Variants in ZNF512 observed in about 807,000 individuals in gnomAD.
The protein encoded by ZNF512 is zinc finger protein 512.
A neutral mutation model predicts 77.5 loss-of-function variants in ZNF512; 25 were observed. The ratio of observed to expected loss-of-function variants is 0.32; its 90% CI spans 0.23 to 0.45. The LOEUF is 0.45. Ranked by LOEUF, ZNF512 falls within the 20% of genes least tolerant of loss-of-function variation. The probability of loss-of-function intolerance (pLI) is 1.00; values close to 1 mark genes in which losing one functional copy is unlikely to be tolerated. For missense variants in ZNF512, 483 were observed against 692.6 expected, an observed-to-expected ratio of 0.70 and a Z score of 3.40; for synonymous variants, 246 against 239.9, an observed-to-expected ratio of 1.03 and a Z score of -0.24.
At chr2:27,585,902 A>C (rs1386370845) in intron 2 of ZNF512, among the ~76,000 whole-genome samples, 1 of 152,222 alleles carries the variant, frequency 6.6e-6, no homozygotes, top group Non-Finnish European at 1.5e-5. Context: ...TTTTTTTACA[A>C]ATAATCAAAT....
intron 3 of ZNF512, among the ~76,000 whole-genome samples, chr2:27,599,067 C>G (rs1671999439): frequency 1.3e-5 from 2 of 152,256 alleles, no homozygotes; most frequent in South Asian, 2.1e-4. Context: ...TCTTGAACTC[C>G]TGACCTCAGG....
chr2:27,603,078 G>C lies in ZNF512; in HGVS notation c.769-62G>C. On this transcript the variant is annotated intron_variant, in intron 8 of 13. Transcript: ENST00000355467. ...GTGGTGAATGCTTTATGGCTGTTTA[G>C]AAATTTAGGGATCATGTCAAAAGAT... 4 of 1,584,394 alleles carry C rather than the reference G, an allele frequency of 2.5e-6. No individual in the cohort carries two copies. The South Asian group carries it at 4.6e-5, about 18-fold the overall frequency.
intron 2 of ZNF512, among the ~76,000 whole-genome samples, chr2:27,591,364 A>G (rs924303492): frequency 2.6e-5 from 4 of 152,328 alleles, no homozygotes; most frequent in African/African-American, 7.2e-5. Context: ...GTTATAGACA[A>G]TCCAATTACA....
chr2:27,602,383 G>C, intron 7 of ZNF512, 80 bp from the exon 8 acceptor site: 1 of 1,408,440 alleles, frequency 7.1e-7, no homozygotes, highest in South Asian at 1.4e-5. Context: ...TCCAATCCTT[G>C]ATTCTCCTCT....
chr2:27,609,951 G>C (rs1398538344), intron 10 of ZNF512, among the ~76,000 whole-genome samples: 2 of 151,950 alleles, frequency 1.3e-5, no homozygotes, highest in African/African-American at 2.4e-5. Flanking sequence ...TGAGGCAGGA[G>C]AATCGTTTGA....
intron 10 of ZNF512, among the ~76,000 whole-genome samples, chr2:27,611,848 C>A (rs950742796): frequency 6.6e-6 from 1 of 152,010 alleles, no homozygotes; most frequent in Admixed American, 6.5e-5. Context: ...CAGGTGTGCA[C>A]CACCACGCCC....
At chr2:27,603,563 A>G (rs940511458) in intron 9 of ZNF512, among the ~76,000 whole-genome samples, 3 of 93,200 alleles carry the variant, frequency 3.2e-5, no homozygotes, top group Non-Finnish European at 6.0e-5. Context: ...TATCTTATAT[A>G]TTTTTATATA....
intron 2 of ZNF512, among the ~76,000 whole-genome samples, chr2:27,587,723 C>A (rs1303140204): frequency 1.3e-5 from 2 of 151,082 alleles, no homozygotes; most frequent in Admixed American, 6.6e-5. Context: ...CTCTTGTTGC[C>A]CAGGCTGGAG....
At chr2:27,592,559 C>T (rs1254397301) in intron 2 of ZNF512, among the ~76,000 whole-genome samples, 1 of 151,832 alleles carries the variant, frequency 6.6e-6, no homozygotes, top group Non-Finnish European at 1.5e-5. Context: ...AAGTGATCTG[C>T]CTGCCTTGGC....
At chr2:27,612,293 G>A (rs144888011) in intron 10 of ZNF512, among the ~76,000 whole-genome samples, 48 of 152,102 alleles carry the variant, frequency 3.2e-4, no homozygotes, top group African/African-American at 9.2e-4. Context: ...AAGACAGGCC[G>A]TAGGCTTATC....
At chr2:27,596,663 T>G (rs549712203) in intron 2 of ZNF512, among the ~76,000 whole-genome samples, 15 of 152,222 alleles carry the variant, frequency 9.9e-5, no homozygotes, top group South Asian at 4.1e-4. Context: ...TTTTACAGAG[T>G]CCAGTGAGCA....
intron 10 of ZNF512, among the ~76,000 whole-genome samples, chr2:27,610,257 G>T (rs1490847840): frequency 3.3e-5 from 5 of 149,768 alleles, no homozygotes; most frequent in Admixed American, 6.7e-5. Flanking sequence ...TAAGCTACTT[G>T]GGAGGCTGAG....
intron 10 of ZNF512, 129 bp from the exon 11 acceptor site, chr2:27,615,039 T>TA: frequency 1.7e-6 from 1 of 584,188 alleles, no homozygotes; most frequent in East Asian, 2.9e-5. Context: ...TCTTATATCT[T>TA]ACAGTTTTTT....
At chr2:27,610,565 T>TAA (rs1558474847) in intron 10 of ZNF512, among the ~76,000 whole-genome samples, 1 of 34,388 alleles carries the variant, frequency 2.9e-5, no homozygotes, top group Non-Finnish European at 6.0e-5. Context: ...TATATATATA[T>TAA]ATATTTTTTT....
intron 2 of ZNF512, among the ~76,000 whole-genome samples, chr2:27,585,804 A>C (rs1671297133): frequency 6.6e-6 from 1 of 152,216 alleles, no homozygotes; most frequent in African/African-American, 2.4e-5. Context: ...ACAAATTATA[A>C]AATAAATGCA....
rs577057259 is a variant in ZNF512, at chr2:27,597,971, T to G, written c.90-96T>G. ...GTTTTTATAGCAGGCTTCTTAGTTT[T>G]CTGCAGAGGTAACCAACTTGGTTAT... On this transcript the variant is annotated intron_variant, in intron 2 of 13. Transcript: ENST00000355467. 3.1e-6 allele frequency: 3 copies of G among 955,162 alleles called. No individual in the cohort carries two copies. In the East Asian group the frequency reaches 7.4e-5, roughly 23 times the overall value. 59.2% of individuals were successfully genotyped at this position (955,162 alleles called of 1,614,324 possible).
chr2:27,610,512 GTGTGTATA>G (rs1672576987), intron 10 of ZNF512, among the ~76,000 whole-genome samples: 4 of 97,524 alleles, frequency 4.1e-5, no homozygotes, highest in African/African-American at 1.9e-4. Context: ...GTATATATAT[GTGTGTATA>G]TGTGTGTGTA....
intron 11 of ZNF512, among the ~76,000 whole-genome samples, chr2:27,615,561 A>G (rs1021024356): frequency 6.6e-6 from 1 of 152,230 alleles, no homozygotes; most frequent in African/African-American, 2.4e-5. Context: ...TTGGCTGTCC[A>G]TATGGCCTCT....
chr2:27,617,739 G>C (rs1022075909), intron 13 of ZNF512, among the ~76,000 whole-genome samples, 168 bp downstream of exon 13: 6 of 152,064 alleles, frequency 3.9e-5, no homozygotes, highest in Non-Finnish European at 8.8e-5. Context: ...GTATTTTTCT[G>C]TGAAAGTATT....
Sources: gnomAD v4.1 joint callset for allele counts (sites outside exome capture counted in the v4.1 genomes callset) on GRCh38, gnomAD v4.1.1 for gene constraint, MANE v1.5 for transcripts, NCBI Gene and HGNC (gene_info 2026-07-23, HGNC 2026-07-21) for gene names.